The following RRAGC variants were observed in gnomAD, a reference collection of about 807,000 sequenced individuals.
RRAGC encodes Ras related GTP binding C.
In RRAGC, 8 loss-of-function variants were observed where a neutral mutation model predicts 37.1. That is an observed-to-expected ratio of 0.22 (90% CI 0.13 to 0.39). The LOEUF is 0.39. Among genes scored for constraint, RRAGC ranks in the 10% least tolerant of loss-of-function variants. The pLI is 1.00. For missense variants in RRAGC, 342 were observed against 497.6 expected (o/e 0.69, Z 2.98); for synonymous variants, 190 against 181.1 (o/e 1.05, Z -0.39).
rs774074229 is a variant in RRAGC at position 38,859,662 on chromosome 1, G to T, written c.-16C>A. On this transcript the variant is annotated 5_prime_UTR_variant, in exon 1 of 7. Transcript: ENST00000373001. ...GCAGGGACATGGTGCTGGAGCCGCCGCCGCCCGCGCCCTGACAGGCCAGGC... is the reference window on the plus strand; with the variant it reads ...GCAGGGACATGGTGCTGGAGCCGCCTCCGCCCGCGCCCTGACAGGCCAGGC... The T allele has an allele frequency of 7.2e-6, 11 of 1,531,334 alleles. No individual in the cohort carries two copies. In the South Asian group the frequency reaches 1.3e-4, roughly 19 times the overall value. The allele number at this position is 1,531,334 out of a possible 1,614,324, so 94.9% of individuals were successfully genotyped here.
chr1:38,842,378 GA>G (rs1295998873), intron 6 of RRAGC, among the ~76,000 whole-genome samples: 1 of 152,140 alleles, frequency 6.6e-6, no homozygotes, highest in Non-Finnish European at 1.5e-5. Flanking sequence ...TGTGAAAGAA[GA>G]AACCTGAATA....
intron 6 of RRAGC, among the ~76,000 whole-genome samples, chr1:38,845,557 T>C (rs1030183031): frequency 1.3e-5 from 2 of 152,180 alleles, no homozygotes; most frequent in South Asian, 2.1e-4. Context: ...CAAACCACCA[T>C]GGCACATATA....
Sources: gnomAD v4.1 joint callset for allele counts (sites outside exome capture counted in the v4.1 genomes callset) on GRCh38, gnomAD v4.1.1 for gene constraint, MANE v1.5 for transcripts, NCBI Gene and HGNC (gene_info 2026-07-23, HGNC 2026-07-21) for gene names.